ACOT11: variants seen among roughly 807,000 people sequenced by gnomAD.
ACOT11 encodes the protein acyl-coenzyme A thioesterase 11.
Under a neutral mutation model 77.5 loss-of-function variants are expected in ACOT11, and 69 were observed. The ratio of observed to expected loss-of-function variants is 0.89; its 90% CI spans 0.73 to 1.09. The LOEUF is 1.09. ACOT11 is among the 50% of genes least tolerant of loss of function. The pLI is 0.00. For missense variants in ACOT11, 766 were observed against 813.7 expected, an observed-to-expected ratio of 0.94 and a Z score of 0.71; for synonymous variants, 279 against 313.0, an observed-to-expected ratio of 0.89 and a Z score of 1.15.
chr1:54,589,044 A>ATTG (rs1654612056), intron 3 of ACOT11, among the ~76,000 whole-genome samples: 4 of 152,124 alleles, frequency 2.6e-5, no homozygotes, highest in Admixed American at 2.6e-4. Context: ...TTATTTATTG[A>ATTG]GATGATCTGT....
Position 54,628,543 on chromosome 1 carries a change from G to A in ACOT11, c.1630-2191G>A, listed in dbSNP as rs567857705. On this transcript the variant is annotated intron_variant, in intron 15 of 16. Transcript: ENST00000371316. Reference sequence around the variant, plus strand: ...ATAGTCCCAGCTACCCAGGAGGTGGGAGGATGGTGCCACTGTACTCTATCC... The same window carrying A: ...ATAGTCCCAGCTACCCAGGAGGTGGAAGGATGGTGCCACTGTACTCTATCC... The A allele has an allele frequency of 2.7e-4, 34 of 128,242 alleles. 4 individuals are homozygous for A. The highest frequency in any genetic ancestry group is 8.9e-4 in the African/African-American group (34 of 38,110). The allele number at this position is 128,242 out of a possible 1,614,324, so 7.9% of individuals were successfully genotyped here.
intron 1 of ACOT11, among the ~76,000 whole-genome samples, chr1:54,552,528 G>T (rs1216120934): frequency 6.6e-6 from 1 of 152,172 alleles, no homozygotes; most frequent in Non-Finnish European, 1.5e-5. Context: ...CTGTCTCCCA[G>T]GCTGGAGTGC....
At chr1:54,599,548 A>T in intron 8 of ACOT11, 133 bp downstream of exon 8, 1 of 1,052,142 alleles carries the variant, frequency 9.5e-7, no homozygotes, top group Non-Finnish European at 1.3e-6. Flanking sequence ...TGCCTGGCTG[A>T]TGGGTTCCTC....
intron 1 of ACOT11, among the ~76,000 whole-genome samples, chr1:54,560,578 G>C (rs931262048): frequency 2.6e-5 from 4 of 152,176 alleles, no homozygotes; most frequent in African/African-American, 9.7e-5. Flanking sequence ...GTGCAGGCTG[G>C]AGTGCAGTGG....
rs1198127093 is a variant in ACOT11, at chr1:54,584,858, G to A, written c.237G>A (p.Leu79=). Residue 79 remains leucine (L), a synonymous_variant, in exon 2 of 16, where the codon CTG becomes CTA. Transcript: ENST00000343744. This position sits in a 1 kb window ranked among gnomAD's most constrained non-coding sequence, Gnocchi z 6.3. ...LLKWIDTTAC[L]SAERHAGCPC... is the part of the protein sequence containing the mutation. ...AGTGGATTGACACCACGGCTTGCCT[G>A]TCCGGTAAGGCTGCGCTCCCCATGG... The A allele has an allele frequency of 6.2e-7, 1 of 1,612,362 alleles. No individual in the cohort carries two copies.
At chr1:54,578,257 G>T (rs1329525882) in intron 1 of ACOT11, among the ~76,000 whole-genome samples, 1 of 152,138 alleles carries the variant, frequency 6.6e-6, no homozygotes, top group East Asian at 1.9e-4. Flanking sequence ...GCAATGGCAG[G>T]GTCTGGGTCA....
intron 16 of ACOT11, among the ~76,000 whole-genome samples, chr1:54,631,568 A>T (rs7535086): frequency 0.013 from 1,945 of 152,262 alleles, 38 homozygotes; most frequent in African/African-American, 0.044. Flanking sequence ...CCTCAAATTA[A>T]TAGGACTGCA....
At position 54,627,106 on chromosome 1, in the gene ACOT11, C is replaced by G. The variant is rs1055713478; in HGVS notation, c.1630-3628C>G. 2.2e-5 allele frequency among the ~76,000 whole-genome samples: 3 copies of G among 135,682 alleles called. 1 individual carries two copies. Among genetic ancestry groups the G allele is most frequent in the Admixed American group, 7.5e-5 (1 of 13,292 alleles). 89.0% of individuals were successfully genotyped at this position (135,682 alleles called of 152,430 possible). A position where few individuals can be genotyped will look rare whatever the true frequency, so the allele number is the denominator to read the frequency against. On this transcript the variant is annotated intron_variant, in intron 15 of 16. Coordinates refer to the ACOT11 transcript ENST00000371316. ...TCCTGACCTCAAATGATCCACTCAC[C>G]TCAGCCTCCCAAAGTGCTGGGATTA...
At chr1:54,576,598 C>G (rs1654125694) in intron 1 of ACOT11, among the ~76,000 whole-genome samples, 1 of 151,360 alleles carries the variant, frequency 6.6e-6, no homozygotes, top group Non-Finnish European at 1.5e-5. Flanking sequence ...AAGTTAGGAC[C>G]CTGTGGCAGG....
At chr1:54,602,788 A>G (rs1643980175) in intron 10 of ACOT11, 64 bp downstream of exon 10, 2 of 1,428,680 alleles carry the variant, frequency 1.4e-6, no homozygotes, top group African/African-American at 1.5e-5. Context: ...CGCTGACCCC[A>G]GGGCACTCGC....
At chr1:54,632,611 G>A (rs1294793043) in intron 16 of ACOT11, among the ~76,000 whole-genome samples, 1 of 152,178 alleles carries the variant, frequency 6.6e-6, no homozygotes, top group Non-Finnish European at 1.5e-5. Context: ...GAAATTAAAC[G>A]AACAGGAGAA....
intron 15 of ACOT11, among the ~76,000 whole-genome samples, chr1:54,630,045 G>A (rs1295071277): frequency 7.5e-6 from 1 of 133,342 alleles, no homozygotes; most frequent in South Asian, 2.5e-4. Context: ...GACTACAGGC[G>A]CCTGCCAACA....
chr1:54,631,647 G>C (rs7545297), intron 16 of ACOT11, among the ~76,000 whole-genome samples: 1 of 151,928 alleles, frequency 6.6e-6, no homozygotes, highest in African/African-American at 2.4e-5. Flanking sequence ...ATGATGCCAT[G>C]GAACAGCTTA....
intron 1 of ACOT11, among the ~76,000 whole-genome samples, chr1:54,553,836 G>A (rs1653156715): frequency 6.6e-6 from 1 of 152,060 alleles, no homozygotes; most frequent in Non-Finnish European, 1.5e-5. Context: ...GTCTGAGTGA[G>A]GTCATGTAGT....
intron 15 of ACOT11, among the ~76,000 whole-genome samples, chr1:54,616,402 C>T (rs868762466): frequency 7.3e-5 from 11 of 151,078 alleles, no homozygotes; most frequent in Middle Eastern, 6.8e-3. Context: ...CTTGCTCTAT[C>T]GCCCAGGCTG....
chr1:54,603,886 C>T lies in ACOT11; in HGVS notation c.1101C>T (p.Ser367=). 6.2e-7 allele frequency: 1 copy of T among 1,614,140 alleles called. No homozygotes were observed. The highest frequency in any genetic ancestry group is 8.5e-7 in the Non-Finnish European group (1 of 1,180,016). ...TCCTTCCCAGGAAGTACATCGTGTC[C>T]TGTAAGCAGACAGAGGTGCCCCTCT... The part of the protein sequence containing the change: ...KIRLDRKYIV[S]CKQTEVPLSV... Residue 367 remains serine (S), a synonymous_variant, in exon 11 of 16, where the codon TCC becomes TCT. Coordinates refer to ENST00000343744, the MANE Select transcript of ACOT11 (RefSeq NM_147161.4).
At chr1:54,550,582 G>A (rs1193894118) in intron 1 of ACOT11, among the ~76,000 whole-genome samples, 3 of 152,146 alleles carry the variant, frequency 2.0e-5, no homozygotes, top group Non-Finnish European at 4.4e-5. Flanking sequence ...GGGAGGCTGA[G>A]GCAGGTGAAT....
At chr1:54,555,264 T>C (rs555480022) in intron 1 of ACOT11, among the ~76,000 whole-genome samples, 1 of 152,304 alleles carries the variant, frequency 6.6e-6, no homozygotes, top group Non-Finnish European at 1.5e-5. Context: ...TGGCTCTGGT[T>C]TTTTGATAGT....
rs771755011 is a variant in ACOT11 at position 54,609,020 on chromosome 1, C to T, written c.1693C>T (p.Leu565Phe). 1 of 1,609,266 alleles carries T rather than the reference C, an allele frequency of 6.2e-7. No individual in the cohort carries two copies. Among genetic ancestry groups the T allele is most frequent in the South Asian group, 1.1e-5 (1 of 90,822 alleles). ...CTATGTGACCACCAACGTGGCCGGC[C>T]TCTCCTCTGAGTTCTACACCACCTT... Reference protein sequence around the residue: ...LNYVTTNVAGLSSEFYTTFKA... With the variant: ...LNYVTTNVAGFSSEFYTTFKA... Residue 565 changes from leucine to phenylalanine, a missense_variant, in exon 16 of 16, where the codon CTC (leucine) becomes TTC (phenylalanine). Leu to Phe is a conservative substitution (Grantham distance 22). Coordinates refer to ENST00000343744, the MANE Select transcript of ACOT11 (RefSeq NM_147161.4).
Sources: gnomAD v4.1 joint callset for allele counts (sites outside exome capture counted in the v4.1 genomes callset) on GRCh38, gnomAD v4.1.1 for gene constraint, Gnocchi (gnomAD v3.1) non-coding constraint, MANE v1.5 for transcripts, NCBI Gene and HGNC (gene_info 2026-07-23, HGNC 2026-07-21) for gene names.